The following MACROD2 variants were observed in gnomAD, a reference collection of about 807,000 sequenced individuals.
MACROD2 encodes ADP-ribose glycohydrolase MACROD2.
Under a neutral mutation model 70.4 loss-of-function variants are expected in MACROD2, and 36 were observed. The ratio of observed to expected loss-of-function variants is 0.51; its 90% CI spans 0.39 to 0.68. The LOEUF (loss-of-function observed/expected upper bound fraction) is 0.68. MACROD2 is among the 30% of genes least tolerant of loss of function. The pLI is 0.00. For synonymous variants in MACROD2, 172 were observed against 178.8 expected (o/e 0.96, Z 0.30); for missense variants, 496 against 538.4 (o/e 0.92, Z 0.78).
At chr20:14,038,563 G>A (rs2053349230) in intron 2 of MACROD2, among the ~76,000 whole-genome samples, 1 of 152,130 alleles carries the variant, frequency 6.6e-6, no homozygotes, top group Non-Finnish European at 1.5e-5. Context: ...TTTGTTTCCT[G>A]AAAGCATTGC....
intron 8 of MACROD2, among the ~76,000 whole-genome samples, chr20:15,807,718 T>G (rs1189947826): frequency 2.0e-5 from 3 of 152,216 alleles, no homozygotes; most frequent in African/African-American, 7.2e-5. Context: ...AATTTCTTTT[T>G]ATTTCTTAAT....
At chr20:15,696,090 G>A (rs1017135553) in intron 8 of MACROD2, among the ~76,000 whole-genome samples, 5 of 152,184 alleles carry the variant, frequency 3.3e-5, no homozygotes, top group African/African-American at 9.7e-5. Context: ...TTGAAGAGAA[G>A]TGGTGAGAGT....
Position 14,411,184 on chromosome 20 carries a change from G to T in MACROD2, c.272-82295G>T, listed in dbSNP as rs552728899. Among the ~76,000 whole-genome samples the T allele has an allele frequency of 1.1e-4, 16 of 152,192 alleles. 1 individual carries two copies. Among genetic ancestry groups the T allele is most frequent in the Admixed American group, 8.5e-4 (13 of 15,278 alleles). On this transcript the variant is annotated intron_variant, in intron 3 of 17. Transcript: ENST00000684519. ...GTGTTCTTTCTCTAGTGACCATAGGGCTTCTAAACTTGATATGAGCCAAGA... is the reference window on the plus strand; with the variant it reads ...GTGTTCTTTCTCTAGTGACCATAGGTCTTCTAAACTTGATATGAGCCAAGA...
chr20:15,578,753 G>A (rs1379826989), intron 8 of MACROD2, among the ~76,000 whole-genome samples: 3 of 128,150 alleles, frequency 2.3e-5, no homozygotes, highest in African/African-American at 7.8e-5. Context: ...CAGAAAATCC[G>A]TTGAGCTGTG....
At chr20:14,978,316 T>G in intron 5 of MACROD2, among the ~76,000 whole-genome samples, 1 of 152,110 alleles carries the variant, frequency 6.6e-6, no homozygotes, top group Non-Finnish European at 1.5e-5. Context: ...ACTGTGAAAC[T>G]TCTATTAAAG....
chr20:15,642,416 G>A (rs2049473913), intron 8 of MACROD2, among the ~76,000 whole-genome samples: 1 of 151,904 alleles, frequency 6.6e-6, no homozygotes. Flanking sequence ...GGTGGTTTTC[G>A]AATTCAACCT....
At chr20:15,551,379 G>A (rs764099939) in intron 8 of MACROD2, among the ~76,000 whole-genome samples, 12 of 147,566 alleles carry the variant, frequency 8.1e-5, no homozygotes, top group Middle Eastern at 7.0e-3. Flanking sequence ...TTGTCACCTC[G>A]TTTTTCATTC....
rs139357855 is a variant in MACROD2 at position 14,810,774 on chromosome 20, G to A, written c.418+125815G>A. On this transcript the variant is annotated intron_variant, in intron 5 of 17. Transcript: ENST00000684519. ...ACAAAATCAACATGAAAAAATCACAGGCATTCCTATACACCAATAGTAGAC... is the reference window on the plus strand; with the variant it reads ...ACAAAATCAACATGAAAAAATCACAAGCATTCCTATACACCAATAGTAGAC... Among the ~76,000 whole-genome samples, 783 of 152,022 alleles carry A rather than the reference G, an allele frequency of 5.2e-3. 6 individuals are homozygous for A. The highest frequency in any genetic ancestry group is 7.9e-3 in the Non-Finnish European group (535 of 67,950).
chr20:14,989,124 C>T (rs758562571), intron 5 of MACROD2, among the ~76,000 whole-genome samples: 2 of 151,712 alleles, frequency 1.3e-5, no homozygotes, highest in Non-Finnish European at 2.9e-5. Flanking sequence ...CATATAGCGA[C>T]ATATAGAATT....
chr20:15,868,657 T>C (rs1189813060), intron 9 of MACROD2, among the ~76,000 whole-genome samples: 2 of 151,674 alleles, frequency 1.3e-5, no homozygotes, highest in African/African-American at 2.4e-5. Flanking sequence ...ACTTACCTTG[T>C]GAGCTCACAA....
chr20:15,368,461 CTTTT>C (rs11479469), intron 6 of MACROD2, among the ~76,000 whole-genome samples: 2 of 136,816 alleles, frequency 1.5e-5, no homozygotes, highest in Non-Finnish European at 1.6e-5. Context: ...CAATCACAAA[CTTTT>C]TTTTTTTTTT....
At chr20:15,636,109 A>AAAG (rs2049364276) in intron 8 of MACROD2, among the ~76,000 whole-genome samples, 4 of 142,392 alleles carry the variant, frequency 2.8e-5, no homozygotes, top group African/African-American at 1.1e-4. Flanking sequence ...AAAGAAAAGA[A>AAAG]AAAAGAAAAG....
At chr20:15,544,271 A>G (rs2047998226) in intron 8 of MACROD2, among the ~76,000 whole-genome samples, 1 of 152,206 alleles carries the variant, frequency 6.6e-6, no homozygotes, top group Admixed American at 6.5e-5. Flanking sequence ...AGCACAGCAG[A>G]AAGGTTCAGT....
At chr20:14,841,527 G>GAA (rs11481126) in intron 5 of MACROD2, among the ~76,000 whole-genome samples, 20,412 of 149,160 alleles carry the variant, frequency 0.14, 1,544 homozygotes, top group Middle Eastern at 0.27. Flanking sequence ...ATGTTTTCAG[G>GAA]AAAAAAAAAA....
intron 5 of MACROD2, among the ~76,000 whole-genome samples, chr20:15,198,884 T>A (rs2076630287): frequency 6.6e-6 from 1 of 152,198 alleles, no homozygotes; most frequent in Non-Finnish European, 1.5e-5. Context: ...TCTCATGGCC[T>A]CCTGACTGGG....
intron 3 of MACROD2, among the ~76,000 whole-genome samples, chr20:14,285,629 A>C (rs78125065): frequency 6.6e-6 from 1 of 151,970 alleles, no homozygotes; most frequent in Non-Finnish European, 1.5e-5. Flanking sequence ...AAAAAAAAAA[A>C]CTTGAGGACT....
At chr20:15,121,513 C>CAAAAAAAA (rs5840653) in intron 5 of MACROD2, among the ~76,000 whole-genome samples, 8 of 121,994 alleles carry the variant, frequency 6.6e-5, no homozygotes, top group Non-Finnish European at 8.3e-5. Context: ...AACTCTGCCT[C>CAAAAAAAA]AAAAAAAAAA....
At chr20:14,732,899 A>G (rs1336095382) in intron 5 of MACROD2, among the ~76,000 whole-genome samples, 1 of 152,170 alleles carries the variant, frequency 6.6e-6, no homozygotes, top group African/African-American at 2.4e-5. Flanking sequence ...TCTTTGAAGA[A>G]GAGTTTGGAA....
chr20:15,231,862 C>G (rs1430961421), intron 6 of MACROD2, among the ~76,000 whole-genome samples: 1 of 151,898 alleles, frequency 6.6e-6, no homozygotes, highest in Non-Finnish European at 1.5e-5. Flanking sequence ...TTACATATTA[C>G]TTGAATGAAA....
Sources: allele counts gnomAD v4.1 joint callset (sites outside exome capture counted in the v4.1 genomes callset), GRCh38; gene constraint gnomAD v4.1.1; transcripts MANE v1.5; gene names NCBI Gene and HGNC (gene_info 2026-07-23, HGNC 2026-07-21).